Variants in MARCHF6 observed in about 807,000 individuals in gnomAD.
MARCHF6 encodes membrane associated ring-CH-type finger 6.
Under a neutral mutation model 133.7 loss-of-function variants are expected in MARCHF6, and 31 were observed. That is an observed-to-expected ratio of 0.23 (90% CI 0.17 to 0.31). The LOEUF is 0.31. Among genes scored for constraint, MARCHF6 ranks in the 10% least tolerant of loss-of-function variants. The pLI is 1.00. For synonymous variants in MARCHF6, 395 were observed against 402.5 expected, an observed-to-expected ratio of 0.98 and a Z score of 0.22; for missense variants, 723 against 1,121.6, an observed-to-expected ratio of 0.64 and a Z score of 5.08.
chr5:10,390,245 G>A, intron 5 of MARCHF6, 87 bp from the exon 6 acceptor site: 2 of 938,250 alleles, frequency 2.1e-6, no homozygotes, highest in Non-Finnish European at 3.2e-6. Flanking sequence ...TTTTTTCTGA[G>A]ACTTTAGTAT....
rs192680309 is a variant in MARCHF6 at position 10,412,283 on chromosome 5, C to T, written c.1896+746C>T. ...TGTCTGTGAGGATATAGAGAGCATA[C>T]GTGGTCTTTGCTCAGAAAGAGCTTA... On this transcript the variant is annotated intron_variant, in intron 19 of 25. Transcript: ENST00000274140. 1.1e-4 allele frequency among the ~76,000 whole-genome samples: 16 copies of T among 152,282 alleles called. No homozygotes were observed. The East Asian group carries it at 2.1e-3, about 20-fold the overall frequency.
chr5:10,415,421 A>G, intron 20 of MARCHF6, 67 bp from the exon 21 acceptor site: 1 of 1,382,056 alleles, frequency 7.2e-7, no homozygotes, highest in African/African-American at 1.4e-5. Flanking sequence ...TACTAACATA[A>G]CAACATGAAG....
At chr5:10,362,609 T>C (rs1735893538) in intron 1 of MARCHF6, among the ~76,000 whole-genome samples, 1 of 152,264 alleles carries the variant, frequency 6.6e-6, no homozygotes, top group Non-Finnish European at 1.5e-5. Flanking sequence ...TGGATTATTA[T>C]AAGACAATTG....
intron 17 of MARCHF6, among the ~76,000 whole-genome samples, chr5:10,408,333 A>G (rs1305714587): frequency 6.6e-6 from 1 of 152,142 alleles, no homozygotes; most frequent in East Asian, 1.9e-4. Flanking sequence ...GAGATGCAAG[A>G]CTTGGCATAA....
At chr5:10,369,232 C>T (rs1295709072) in intron 1 of MARCHF6, among the ~76,000 whole-genome samples, 1 of 152,206 alleles carries the variant, frequency 6.6e-6, no homozygotes, top group Non-Finnish European at 1.5e-5. Context: ...AGTGCAGTTT[C>T]AGTGTATGCC....
intron 9 of MARCHF6, 24 bp downstream of exon 9, chr5:10,394,809 T>G: frequency 6.6e-7 from 1 of 1,516,140 alleles, no homozygotes; most frequent in South Asian, 1.2e-5. Flanking sequence ...ATTTTTTTTT[T>G]TTTTTTTTGA....
At chr5:10,425,037 A>C (rs1456688003) in intron 23 of MARCHF6, among the ~76,000 whole-genome samples, 1 of 152,194 alleles carries the variant, frequency 6.6e-6, no homozygotes, top group South Asian at 2.1e-4. Context: ...TCTTATCCTT[A>C]GGCCAGTGCC....
At chr5:10,376,292 ACT>A (rs1258311868) in intron 1 of MARCHF6, among the ~76,000 whole-genome samples, 2 of 150,924 alleles carry the variant, frequency 1.3e-5, no homozygotes, top group Non-Finnish European at 3.0e-5. Context: ...GGAACGAACA[ACT>A]CCAGACGCGC....
chr5:10,399,380 T>G (rs1292278794), intron 10 of MARCHF6, among the ~76,000 whole-genome samples: 1 of 152,048 alleles, frequency 6.6e-6, no homozygotes, highest in Non-Finnish European at 1.5e-5. Flanking sequence ...CATGAAATAG[T>G]CAGAAAGGGT....
intron 1 of MARCHF6, among the ~76,000 whole-genome samples, chr5:10,356,377 A>G (rs575486611): frequency 7.3e-6 from 1 of 136,550 alleles, no homozygotes; most frequent in South Asian, 2.2e-4. Context: ...ATTTTATTTT[A>G]TTTTATTTTA....
At chr5:10,386,860 A>G (rs1400631184) in intron 4 of MARCHF6, 134 bp from the exon 5 acceptor site, 1 of 633,564 alleles carries the variant, frequency 1.6e-6, no homozygotes, top group Non-Finnish European at 2.9e-6. Context: ...ATATTTTGAG[A>G]CTTAGGCTTG....
intron 1 of MARCHF6, among the ~76,000 whole-genome samples, chr5:10,363,188 T>G (rs917684468): frequency 5.9e-5 from 9 of 152,228 alleles, no homozygotes; most frequent in African/African-American, 2.2e-4. Context: ...AGTGGATAAA[T>G]CAGATGGCAT....
chr5:10,422,487 T>C (rs1277934752), intron 22 of MARCHF6, among the ~76,000 whole-genome samples: 1 of 152,174 alleles, frequency 6.6e-6, no homozygotes, highest in African/African-American at 2.4e-5. Flanking sequence ...AAAAACTGCA[T>C]TGTCATTGGA....
chr5:10,384,494 T>C (rs1737348592), intron 4 of MARCHF6, among the ~76,000 whole-genome samples: 1 of 152,178 alleles, frequency 6.6e-6, no homozygotes, highest in African/African-American at 2.4e-5. Flanking sequence ...TAGCTAAATA[T>C]ACTAAGCTCT....
rs370923415 is a variant in MARCHF6 at position 10,393,330 on chromosome 5, C to T, written c.767-752C>T. Among the ~76,000 whole-genome samples the T allele has an allele frequency of 3.9e-5, 6 of 152,290 alleles. No individual in the cohort carries two copies. The South Asian group carries it at 1.2e-3, about 32-fold the overall frequency. ...GCTCAAGTGATCCTCCTGCCTCAGC[C>T]TCCCAAAGTGCTGAGATTATAGGCA... On this transcript the variant is annotated intron_variant, in intron 7 of 25. Transcript: ENST00000274140.
rs1735245952 is a variant in MARCHF6 at position 10,353,763 on chromosome 5, C to T, written c.-136C>T. 4.5e-6 allele frequency: 3 copies of T among 671,638 alleles called. No individual in the cohort carries two copies. The highest frequency in any genetic ancestry group is 7.6e-6 in the Non-Finnish European group (3 of 396,022). The allele number at this position is 671,638 out of a possible 1,614,324, so 41.6% of individuals were successfully genotyped here. On this transcript the variant is annotated 5_prime_UTR_variant, in exon 1 of 26. Transcript: ENST00000274140. ...CTCTCTCCCTCTCCCTCTCCCCTCT[C>T]CTTCCTCTCGCTTCCTCTCTCGCAC... is the stretch of plus-strand genomic sequence containing the variant.
At chr5:10,415,353 G>GT in intron 20 of MARCHF6, 135 bp from the exon 21 acceptor site, 2 of 817,698 alleles carry the variant, frequency 2.4e-6, no homozygotes, top group East Asian at 2.5e-5. Flanking sequence ...TTTGTCTTTT[G>GT]TTTTTTTGAT....
At chr5:10,379,753 G>A (rs1031553718) in intron 3 of MARCHF6, among the ~76,000 whole-genome samples, 2 of 151,960 alleles carry the variant, frequency 1.3e-5, no homozygotes, top group East Asian at 3.9e-4. Flanking sequence ...GAGCCACCGC[G>A]CCCAGCAAGC....
intron 17 of MARCHF6, among the ~76,000 whole-genome samples, chr5:10,407,964 C>T (rs1370473975): frequency 1.4e-5 from 2 of 140,558 alleles, no homozygotes; most frequent in South Asian, 2.5e-4. Flanking sequence ...CCCCCCCCCC[C>T]CAAAAAAAAA....
Sources: allele counts gnomAD v4.1 joint callset (sites outside exome capture counted in the v4.1 genomes callset), GRCh38; gene constraint gnomAD v4.1.1; transcripts MANE v1.5; gene names NCBI Gene and HGNC (gene_info 2026-07-23, HGNC 2026-07-21).